The following MLIP variants were observed in gnomAD, a reference collection of about 807,000 sequenced individuals.
MLIP encodes the protein muscular LMNA interacting protein, also known as muscular LMNA-interacting protein.
In MLIP, 79 loss-of-function variants were observed where a neutral mutation model predicts 84.8. That is an observed-to-expected ratio of 0.93 (90% CI 0.78 to 1.12). The LOEUF is 1.12. Ranked by LOEUF, MLIP falls within the 50% of genes most tolerant of loss-of-function variation. The pLI is 0.00. For missense variants in MLIP, 1,257 were observed against 1,160.6 expected (o/e 1.08, Z -1.21); for synonymous variants, 504 against 463.0 (o/e 1.09, Z -1.14).
intron 1 of MLIP, among the ~76,000 whole-genome samples, chr6:54,031,107 G>T (rs1280739288): frequency 6.6e-6 from 1 of 152,112 alleles, no homozygotes; most frequent in Admixed American, 6.6e-5. Flanking sequence ...TATTTGTGCA[G>T]CCCTATTAGC....
At chr6:54,141,156 C>T (rs843826) in intron 4 of MLIP, among the ~76,000 whole-genome samples, 55,381 of 151,910 alleles carry the variant, frequency 0.36, 11,706 homozygotes, top group African/African-American at 0.58. Context: ...GTTTGATGTT[C>T]CTTTTTCATA....
At chr6:54,054,064 T>C (rs1765511606) in intron 1 of MLIP, among the ~76,000 whole-genome samples, 1 of 152,210 alleles carries the variant, frequency 6.6e-6, no homozygotes, top group Non-Finnish European at 1.5e-5. Context: ...TGCCACTCAC[T>C]GGTGCTCAGG....
intron 1 of MLIP, among the ~76,000 whole-genome samples, chr6:54,056,713 C>T (rs923308347): frequency 1.3e-5 from 2 of 152,072 alleles, no homozygotes; most frequent in Non-Finnish European, 2.9e-5. Context: ...TTATCCACAT[C>T]GATGTACAAT....
At chr6:54,123,108 T>C (rs1770607860) in intron 2 of MLIP, among the ~76,000 whole-genome samples, 1 of 151,566 alleles carries the variant, frequency 6.6e-6, no homozygotes, top group Non-Finnish European at 1.5e-5. Flanking sequence ...TAATTTTTTT[T>C]GTATTTTTAG....
chr6:54,147,083 AT>A (rs1344697745), intron 4 of MLIP, among the ~76,000 whole-genome samples: 8 of 152,184 alleles, frequency 5.3e-5, no homozygotes, highest in Admixed American at 2.0e-4. Flanking sequence ...ATTGTTAGAT[AT>A]TGTTATTATG....
At chr6:54,147,109 TA>T (rs1234070854) in intron 4 of MLIP, among the ~76,000 whole-genome samples, 3 of 152,186 alleles carry the variant, frequency 2.0e-5, no homozygotes, top group Admixed American at 6.6e-5. Context: ...CAACTATAAC[TA>T]CAATTAACTA....
chr6:54,235,923 C>T (rs556697509), intron 12 of MLIP, among the ~76,000 whole-genome samples: 14 of 152,082 alleles, frequency 9.2e-5, no homozygotes, highest in African/African-American at 3.4e-4. Context: ...CTTTTTTCTT[C>T]ACTAGCATGG....
chr6:54,028,043 G>A (rs1479480542), intron 1 of MLIP, among the ~76,000 whole-genome samples: 4 of 152,240 alleles, frequency 2.6e-5, no homozygotes, highest in African/African-American at 9.6e-5. Flanking sequence ...ATGACAAATA[G>A]ACTGTGGTAT....
chr6:54,205,974 G>A (rs528247636), intron 11 of MLIP, among the ~76,000 whole-genome samples: 1 of 152,218 alleles, frequency 6.6e-6, no homozygotes, highest in Middle Eastern at 3.4e-3. Context: ...TGTGTTTAAA[G>A]CATATTTTTA....
intron 1 of MLIP, among the ~76,000 whole-genome samples, chr6:54,100,365 T>C (rs1768552659): frequency 1.3e-5 from 2 of 152,126 alleles, no homozygotes; most frequent in African/African-American, 4.8e-5. Flanking sequence ...CAAAATACCT[T>C]TATATAATGT....
At chr6:54,107,856 A>G (rs1195909180), upstream of MLIP, among the ~76,000 whole-genome samples, 1 of 152,212 alleles carries the variant, frequency 6.6e-6, no homozygotes, top group Non-Finnish European at 1.5e-5. Context: ...ACCTTCTGTT[A>G]TCAAGCCTGA....
intron 10 of MLIP, 139 bp from the exon 11 acceptor site, chr6:54,201,966 C>T: frequency 1.8e-6 from 1 of 548,558 alleles, no homozygotes; most frequent in Non-Finnish European, 2.7e-6. Context: ...TGTTTTTATG[C>T]ATTTTTGAAA....
intron 12 of MLIP, among the ~76,000 whole-genome samples, chr6:54,239,959 T>C (rs1781625110): frequency 6.6e-6 from 1 of 152,194 alleles, no homozygotes; most frequent in African/African-American, 2.4e-5. Context: ...TCAGTAAGCA[T>C]AAAGTCACTC....
chr6:54,158,290 C>A (rs922113838), intron 5 of MLIP, among the ~76,000 whole-genome samples: 1 of 152,058 alleles, frequency 6.6e-6, no homozygotes, highest in Non-Finnish European at 1.5e-5. Context: ...AGAAGGGAAC[C>A]TGTAATTCTA....
intron 1 of MLIP, among the ~76,000 whole-genome samples, chr6:54,059,650 A>T (rs1482029041): frequency 1.3e-5 from 2 of 152,198 alleles, no homozygotes; most frequent in Non-Finnish European, 2.9e-5. Context: ...ACAACCCTGG[A>T]TTCACGAATG....
chr6:54,195,180 C>A lies in MLIP; in HGVS notation c.2589+5266C>A, dbSNP rs533225436. 7.4e-4 allele frequency among the ~76,000 whole-genome samples: 113 copies of A among 152,118 alleles called. 1 individual carries two copies. Among genetic ancestry groups the A allele is most frequent in the African/African-American group, 2.7e-3 (111 of 41,508 alleles). ...GCAAATGGGTCAAAAACAACCATGG[C>A]ACTTTCACAAACTCTTTGAGCCCAT... On this transcript the variant is annotated intron_variant, in intron 10 of 13. Transcript: ENST00000502396.
intron 13 of MLIP, among the ~76,000 whole-genome samples, chr6:54,258,757 T>C (rs1182858028): frequency 6.6e-6 from 1 of 152,028 alleles, no homozygotes; most frequent in African/African-American, 2.4e-5. Flanking sequence ...ATTATTATTC[T>C]TTTTAGAGAT....
At chr6:54,143,101 T>C (rs1347703008) in intron 4 of MLIP, among the ~76,000 whole-genome samples, 2 of 152,166 alleles carry the variant, frequency 1.3e-5, no homozygotes, top group Non-Finnish European at 2.9e-5. Context: ...ACCACTCCTG[T>C]GCTTCTCTCC....
chr6:54,189,775 C>T, intron 9 of MLIP, 95 bp from the exon 10 acceptor site: 1 of 881,128 alleles, frequency 1.1e-6, no homozygotes, highest in Non-Finnish European at 1.8e-6. Flanking sequence ...CTATCATGGA[C>T]ATATAATAAT....
Sources: allele counts gnomAD v4.1 joint callset (sites outside exome capture counted in the v4.1 genomes callset), GRCh38; gene constraint gnomAD v4.1.1; transcripts MANE v1.5; gene names NCBI Gene and HGNC (gene_info 2026-07-23, HGNC 2026-07-21).